The following B3GALNT2 variants were observed in gnomAD, a reference collection of about 807,000 sequenced individuals.
The protein encoded by B3GALNT2 is UDP-GalNAc:beta-1,3-N-acetylgalactosaminyltransferase 2.
A neutral mutation model predicts 61.1 loss-of-function variants in B3GALNT2; 53 were observed. The ratio of observed to expected loss-of-function variants is 0.87; its 90% confidence interval spans 0.70 to 1.09. B3GALNT2 has a LOEUF of 1.09. Ranked by LOEUF, B3GALNT2 falls within the 50% of genes least tolerant of loss-of-function variation. B3GALNT2 has a pLI of 0.00. For synonymous variants in B3GALNT2, 223 were observed against 237.4 expected, an observed-to-expected ratio of 0.94 and a Z score of 0.56; for missense variants, 544 against 623.0, an observed-to-expected ratio of 0.87 and a Z score of 1.35.
In B3GALNT2 at chr1:235,492,439, G is replaced by A. The variant is rs984001319; in HGVS notation, c.260+2242C>T. On this transcript the variant is annotated intron_variant, in intron 2 of 11. Coordinates refer to ENST00000366600, the MANE Select transcript of B3GALNT2 (RefSeq NM_152490.5). ...ACAAATCAAGCACGCTAAATTTAAA[G>A]CAAGACTGTTATGATGGCAAATAAA... Among the ~76,000 whole-genome samples, 15 of 152,212 alleles carry A rather than the reference G, an allele frequency of 9.9e-5. No homozygotes were observed. The East Asian group carries it at 2.7e-3, about 27-fold the overall frequency.
At chr1:235,447,067 C>T (rs933072896), downstream of B3GALNT2, among the ~76,000 whole-genome samples, 2 of 152,148 alleles carry the variant, frequency 1.3e-5, no homozygotes, top group Non-Finnish European at 2.9e-5. Context: ...GTAACCCCTT[C>T]TCTCACCAGC....
rs550040825 is a variant in B3GALNT2, at chr1:235,486,265, T to C, written c.362-1750A>G. On this transcript the variant is annotated intron_variant, in intron 3 of 11. Transcript: ENST00000366600. ...GGAGGGAAAAAAGGGAGAATACAGTTTTTTGTCATGGGCTGGGCAAGCACT... is the reference window on the plus strand; with the variant it reads ...GGAGGGAAAAAAGGGAGAATACAGTCTTTTGTCATGGGCTGGGCAAGCACT... 6.7e-4 allele frequency among the ~76,000 whole-genome samples: 102 copies of C among 152,286 alleles called. 1 individual carries two copies. The highest frequency in any genetic ancestry group is 2.4e-3 in the African/African-American group (100 of 41,560).
rs147578370 is a variant in B3GALNT2, at chr1:235,481,215, C to G, written c.556-1066G>C. On this transcript the variant is annotated intron_variant, in intron 4 of 11. Transcript: ENST00000366600. ...TGAACCCATTAGCATCCATCTTAGACTAGTCCTTCCTTGAGGACAAAGATT... is the reference window on the plus strand; with the variant it reads ...TGAACCCATTAGCATCCATCTTAGAGTAGTCCTTCCTTGAGGACAAAGATT... Among the ~76,000 whole-genome samples the G allele has an allele frequency of 2.0e-5, 3 of 152,182 alleles. No homozygotes were observed. In the East Asian group the frequency reaches 5.8e-4, roughly 29 times the overall value.
intron 1 of B3GALNT2, among the ~76,000 whole-genome samples, chr1:235,496,563 T>C (rs1685333084): frequency 6.6e-6 from 1 of 151,182 alleles, no homozygotes; most frequent in African/African-American, 2.4e-5. Flanking sequence ...TTTTTTTTTT[T>C]TGACGGAGTC....
intron 7 of B3GALNT2, chr1:235,464,602 T>C (rs2102801722): frequency 6.6e-6 from 1 of 152,080 alleles, no homozygotes; most frequent in Middle Eastern, 3.4e-3. Flanking sequence ...AAACATTTAA[T>C]AATTAGCTGG....
At chr1:235,459,305 T>C (rs1035307444) in intron 7 of B3GALNT2, among the ~76,000 whole-genome samples, 2 of 152,110 alleles carry the variant, frequency 1.3e-5, no homozygotes, top group South Asian at 4.1e-4. Context: ...CAGATATCAA[T>C]TATAAAACAC....
intron 2 of B3GALNT2, among the ~76,000 whole-genome samples, chr1:235,491,583 T>C (rs1685069733): frequency 2.0e-5 from 3 of 152,184 alleles, no homozygotes; most frequent in Non-Finnish European, 1.5e-5. Flanking sequence ...ATTTTTGTTT[T>C]GATTGATGAT....
Position 235,448,618 on chromosome 1 carries a change from T to G in B3GALNT2, c.*1588A>C. ...TGGGGGAAGAGTATGTGTAGCATGCTTTATCGGATCTGTCTTAATCACATC... is the reference window on the plus strand; with the variant it reads ...TGGGGGAAGAGTATGTGTAGCATGCGTTATCGGATCTGTCTTAATCACATC... On this transcript the variant is annotated 3_prime_UTR_variant, in exon 12 of 12. Coordinates refer to ENST00000366600, the MANE Select transcript of B3GALNT2 (RefSeq NM_152490.5). 1 of 1,512,616 alleles carries G rather than the reference T, an allele frequency of 6.6e-7. No homozygotes were observed. The highest frequency in any genetic ancestry group is 9.2e-7 in the Non-Finnish European group (1 of 1,088,136). The allele number at this position is 1,512,616 out of a possible 1,614,324, so 93.7% of individuals were successfully genotyped here.
At chr1:235,456,093 C>T (rs771644934) in intron 8 of B3GALNT2, among the ~76,000 whole-genome samples, 5 of 152,174 alleles carry the variant, frequency 3.3e-5, no homozygotes, top group Non-Finnish European at 7.3e-5. Context: ...ATCTGGGCCT[C>T]TCACACAGAA....
In B3GALNT2 at chr1:235,449,741, T is replaced by G. The variant is rs1024803757; in HGVS notation, c.*465A>C. 1 of 154,134 alleles carries G rather than the reference T, an allele frequency of 6.5e-6. No homozygotes were observed. Among genetic ancestry groups the G allele is most frequent in the Non-Finnish European group, 1.4e-5 (1 of 69,288 alleles). 9.5% of individuals were successfully genotyped at this position (154,134 alleles called of 1,614,324 possible). A position where few individuals can be genotyped will look rare whatever the true frequency, so the allele number is the denominator to read the frequency against. On this transcript the variant is annotated 3_prime_UTR_variant, in exon 12 of 12. Coordinates refer to ENST00000366600, the MANE Select transcript of B3GALNT2 (RefSeq NM_152490.5). The stretch of plus-strand genomic sequence containing the variant: ...ACCACTGCTCAAATATGTGATCACA[T>G]GATCACACAGCATTCCTGTGAGTTC...
intron 6 of B3GALNT2, among the ~76,000 whole-genome samples, chr1:235,469,895 TTTTG>T (rs533795260): frequency 5.9e-5 from 9 of 151,908 alleles, no homozygotes; most frequent in South Asian, 4.2e-4. Context: ...TAGTAGTTTT[TTTTG>T]TTTGTTTGTT....
downstream of B3GALNT2, chr1:235,442,829 C>G (rs1026677845): frequency 1.9e-6 from 3 of 1,611,100 alleles, no homozygotes; most frequent in Non-Finnish European, 2.5e-6. Flanking sequence ...ATCAATTAGT[C>G]TTTTTCTTTG....
chr1:235,490,764 A>G (rs1200150023), intron 2 of B3GALNT2, among the ~76,000 whole-genome samples: 1 of 151,948 alleles, frequency 6.6e-6, no homozygotes, highest in African/African-American at 2.4e-5. Context: ...TACTCAAATT[A>G]ATCACTTAAT....
At chr1:235,496,865 A>T (rs1255140928) in intron 1 of B3GALNT2, among the ~76,000 whole-genome samples, 1 of 152,086 alleles carries the variant, frequency 6.6e-6, no homozygotes, top group Non-Finnish European at 1.5e-5. Context: ...AACAAATGAA[A>T]CACCCAAAGA....
intron 1 of B3GALNT2, among the ~76,000 whole-genome samples, chr1:235,497,951 C>A (rs1452281872): frequency 6.6e-6 from 1 of 152,208 alleles, no homozygotes; most frequent in African/African-American, 2.4e-5. Flanking sequence ...TGCTTCTAAT[C>A]CATGTCTAAG....
At chr1:235,466,440 C>A (rs948069773) in intron 6 of B3GALNT2, among the ~76,000 whole-genome samples, 15 of 152,060 alleles carry the variant, frequency 9.9e-5, no homozygotes, top group African/African-American at 3.1e-4. Context: ...ATATCTCATT[C>A]TAGCCTTGAA....
intron 5 of B3GALNT2, among the ~76,000 whole-genome samples, 200 bp from the exon 6 acceptor site, chr1:235,471,160 A>G (rs1480645715): frequency 1.3e-5 from 2 of 152,228 alleles, no homozygotes; most frequent in Non-Finnish European, 2.9e-5. Flanking sequence ...TAAAAAACCA[A>G]TTACAAAGAG....
rs1363202163 is a variant in B3GALNT2, at chr1:235,484,385, G to A, written c.492C>T (p.Tyr164=). 3.7e-6 allele frequency: 6 copies of A among 1,614,030 alleles called. No homozygotes were observed. In the Admixed American group the frequency reaches 5.0e-5, roughly 13 times the overall value. ...TCTGGAAACCCACATCATTGGCATC[G>A]TAGAACACTCCAAGACTGGTAATAA... ...PIVITSLGVF[Y]DANDVGFQRN... is the part of the protein sequence containing the mutation. Residue 164 remains tyrosine (Y), a synonymous_variant, in exon 4 of 12, where the codon TAC becomes TAT. Transcript: ENST00000366600.
intron 7 of B3GALNT2, among the ~76,000 whole-genome samples, chr1:235,461,524 T>G (rs113251448): frequency 5.7e-5 from 8 of 139,542 alleles, no homozygotes; most frequent in Non-Finnish European, 9.3e-5. Context: ...TTTTTTTTTT[T>G]TTTTTTTTTT....
Sources: allele counts gnomAD v4.1 joint callset (sites outside exome capture counted in the v4.1 genomes callset), GRCh38; gene constraint gnomAD v4.1.1; transcripts MANE v1.5; gene names NCBI Gene and HGNC (gene_info 2026-07-23, HGNC 2026-07-21).